SORBS2: variants seen among roughly 807,000 people sequenced by gnomAD.
SORBS2 encodes the protein sorbin and SH3 domain containing 2.
A neutral mutation model predicts 97.7 loss-of-function variants in SORBS2; 46 were observed. The observed-to-expected ratio is 0.47, with a 90% CI of 0.37 to 0.60. The LOEUF (loss-of-function observed/expected upper bound fraction) is 0.60. SORBS2 is among the 20% of genes least tolerant of loss of function. The probability of loss-of-function intolerance (pLI) is 0.00; values close to 1 mark genes in which losing one functional copy is unlikely to be tolerated. For missense variants in SORBS2, 1,316 were observed against 1,282.3 expected (o/e 1.03, Z -0.40); for synonymous variants, 476 against 473.4 (o/e 1.01, Z -0.07).
chr4:185,934,244 A>T (rs2099267814), intron 1 of SORBS2, among the ~76,000 whole-genome samples: 1 of 152,170 alleles, frequency 6.6e-6, no homozygotes, highest in Non-Finnish European at 1.5e-5. Context: ...TCATTCATTT[A>T]TTCATTCCAC....
intron 12 of SORBS2, among the ~76,000 whole-genome samples, chr4:185,604,615 C>A (rs2096362376): frequency 6.6e-6 from 1 of 152,118 alleles, no homozygotes; most frequent in African/African-American, 2.4e-5. Flanking sequence ...TCTCAACTTC[C>A]AACATTTTAA....
chr4:185,877,010 A>C (rs2099234047), intron 1 of SORBS2, among the ~76,000 whole-genome samples: 1 of 152,224 alleles, frequency 6.6e-6, no homozygotes, highest in Non-Finnish European at 1.5e-5. Flanking sequence ...CTGATTTTGA[A>C]ATGCAGTTTC....
At chr4:185,674,513 A>G (rs1393085826) in intron 4 of SORBS2, among the ~76,000 whole-genome samples, 2 of 152,136 alleles carry the variant, frequency 1.3e-5, no homozygotes, top group Non-Finnish European at 1.5e-5. Context: ...TTTTTCACTG[A>G]GCTGCCAGAA....
chr4:185,839,366 C>T (rs1484808393), intron 1 of SORBS2, among the ~76,000 whole-genome samples: 3 of 152,190 alleles, frequency 2.0e-5, no homozygotes, highest in Admixed American at 6.5e-5. Context: ...GAGAACACTG[C>T]GCTGGGATTC....
chr4:185,714,407 A>C (rs1350624319), intron 2 of SORBS2, among the ~76,000 whole-genome samples: 1 of 152,200 alleles, frequency 6.6e-6, no homozygotes, highest in East Asian at 1.9e-4. Context: ...AAGTAGAATA[A>C]TGGCAGATGT....
At chr4:185,941,353 C>T (rs2099271902) in intron 1 of SORBS2, among the ~76,000 whole-genome samples, 1 of 150,540 alleles carries the variant, frequency 6.6e-6, no homozygotes, top group African/African-American at 2.4e-5. Context: ...TTAACCATTG[C>T]ATTAGAGGGC....
chr4:185,640,347 A>G (rs1288937950), intron 4 of SORBS2, among the ~76,000 whole-genome samples: 1 of 152,208 alleles, frequency 6.6e-6, no homozygotes, highest in Non-Finnish European at 1.5e-5. Context: ...CACATACACA[A>G]ACGACTACAA....
intron 1 of SORBS2, among the ~76,000 whole-genome samples, chr4:185,916,877 C>T (rs11727879): frequency 0.12 from 18,343 of 152,200 alleles, 1,425 homozygotes; most frequent in Non-Finnish European, 0.17. Flanking sequence ...GCTGTCTTTT[C>T]GTATGCTAAT....
At chr4:185,736,503 A>G (rs2098688671) in intron 2 of SORBS2, among the ~76,000 whole-genome samples, 1 of 152,212 alleles carries the variant, frequency 6.6e-6, no homozygotes, top group Non-Finnish European at 1.5e-5. Context: ...ATTGTCAGTT[A>G]ATGATGGCGG....
chr4:185,652,790 GT>G, intron 1 of SORBS2, 62 bp from the exon 10 acceptor site: 1 of 1,183,770 alleles, frequency 8.4e-7, no homozygotes, highest in Non-Finnish European at 1.3e-6. Context: ...GCTTCTCAGT[GT>G]TTTCATTTCT....
chr4:185,630,639 T>C, intron 4 of SORBS2, 41 bp from the exon 17 acceptor site: 3 of 1,318,936 alleles, frequency 2.3e-6, no homozygotes, highest in Non-Finnish European at 3.2e-6. Flanking sequence ...AATTTTACCG[T>C]GGCAAAATTT....
chr4:185,900,729 T>C (rs966196567), intron 1 of SORBS2, among the ~76,000 whole-genome samples: 5 of 152,134 alleles, frequency 3.3e-5, no homozygotes, highest in Admixed American at 6.5e-5. Context: ...TTTACTGAAA[T>C]ACTTTGTGTA....
Position 185,818,825 on chromosome 4 carries a change from C to CAA in SORBS2, c.-337-43461_-337-43460dup, listed in dbSNP as rs111877772. On this transcript the variant is annotated intron_variant, in intron 1 of 20. Coordinates refer to the SORBS2 transcript ENST00000284776. ...TGGGTGACAGAGCGAGACTCTGTCT[C>CAA]AAAAAAAAAAAAGAAAAGAAACATT... Among the ~76,000 whole-genome samples, 348 of 131,340 alleles carry CAA rather than the reference C, an allele frequency of 2.6e-3. 3 individuals carry two copies. The highest frequency in any genetic ancestry group is 0.012 in the Middle Eastern group (3 of 248). 86.2% of individuals were successfully genotyped at this position (131,340 alleles called of 152,430 possible). A position where few individuals can be genotyped will look rare whatever the true frequency, so the allele number is the denominator to read the frequency against.
chr4:185,914,482 T>C (rs2099256994), intron 1 of SORBS2, among the ~76,000 whole-genome samples: 1 of 152,274 alleles, frequency 6.6e-6, no homozygotes, highest in Non-Finnish European at 1.5e-5. Flanking sequence ...TAACAAGTTC[T>C]ATAGGTACAT....
At chr4:185,710,367 G>A (rs2098407743) in intron 2 of SORBS2, among the ~76,000 whole-genome samples, 1 of 152,182 alleles carries the variant, frequency 6.6e-6, no homozygotes, top group Non-Finnish European at 1.5e-5. Flanking sequence ...GTGGCCAAAA[G>A]GCATGAAGTG....
chr4:185,586,265 G>GTAA (rs1367485549), exon 15 of SORBS2: 1 of 152,632 alleles, frequency 6.6e-6, no homozygotes, highest in East Asian at 1.9e-4. Context: ...CGGAGCAGGT[G>GTAA]TAATTCAGGC....
chr4:185,839,214 G>T (rs2099210047), intron 1 of SORBS2, among the ~76,000 whole-genome samples: 1 of 152,232 alleles, frequency 6.6e-6, no homozygotes, highest in Non-Finnish European at 1.5e-5. Context: ...AAATGCAAAT[G>T]GCAAACACTC....
chr4:185,663,848 CTTTTTTTT>C (rs56177449), intron 4 of SORBS2, among the ~76,000 whole-genome samples: 70 of 80,980 alleles, frequency 8.6e-4, no homozygotes, highest in Admixed American at 1.4e-3. Context: ...TAGATTTATT[CTTTTTTTT>C]TTTTTTTTTT....
At chr4:185,659,287 G>A (rs1267055899), upstream of SORBS2, among the ~76,000 whole-genome samples, 2 of 152,198 alleles carry the variant, frequency 1.3e-5, no homozygotes, top group Non-Finnish European at 2.9e-5. Context: ...CACTGAATCA[G>A]TGCTGGGGAA....
Sources: allele counts gnomAD v4.1 joint callset (sites outside exome capture counted in the v4.1 genomes callset), GRCh38; gene constraint gnomAD v4.1.1; transcripts MANE v1.5; gene names NCBI Gene and HGNC (gene_info 2026-07-23, HGNC 2026-07-21).